The following AGAP1 variants were observed in gnomAD, a reference collection of about 807,000 sequenced individuals.
AGAP1 encodes the protein ArfGAP with GTPase domain, ankyrin repeat and PH domain 1.
In AGAP1, 29 loss-of-function variants were observed where a neutral mutation model predicts 105.3. The ratio of observed to expected loss-of-function variants is 0.28; its 90% CI spans 0.21 to 0.38. AGAP1 has a LOEUF of 0.38. Ranked by LOEUF, AGAP1 falls within the 10% of genes least tolerant of loss-of-function variation. The pLI is 1.00. For missense variants in AGAP1, 998 were observed against 1,165.1 expected, an observed-to-expected ratio of 0.86 and a Z score of 2.09; for synonymous variants, 509 against 485.9, an observed-to-expected ratio of 1.05 and a Z score of -0.63.
chr2:235,682,995 G>A (rs1374896152), intron 1 of AGAP1, among the ~76,000 whole-genome samples: 1 of 152,126 alleles, frequency 6.6e-6, no homozygotes, highest in East Asian at 1.9e-4. Flanking sequence ...AAAACGCAAA[G>A]TAAATTCTTC....
Position 235,660,819 on chromosome 2 carries a change from ATTG to A in AGAP1, c.164-48357_164-48355del. ...CACATCTTATTGTCGCAGCTACCGTATTGTTCTTGTCCCGTTTTTGCAGAAATG... is the reference window on the plus strand; with the variant it reads ...CACATCTTATTGTCGCAGCTACCGTATTCTTGTCCCGTTTTTGCAGAAATG... On this transcript the variant is annotated intron_variant, in intron 1 of 17. Coordinates refer to ENST00000304032, the MANE Select transcript of AGAP1 (RefSeq NM_001037131.3). This position sits in a 1 kb window ranked among gnomAD's most constrained non-coding sequence, Gnocchi z 5.3. Among the ~76,000 whole-genome samples the A allele has an allele frequency of 6.6e-6, 1 of 152,158 alleles. No individual in the cohort carries two copies. Among genetic ancestry groups the A allele is most frequent in the East Asian group, 1.9e-4 (1 of 5,182 alleles).
chr2:235,750,289 G>A lies in AGAP1; in HGVS notation c.539-65G>A, dbSNP rs569411849. The A allele has an allele frequency of 3.3e-5, 53 of 1,598,692 alleles. No homozygotes were observed. The African/African-American group carries it at 6.3e-4, about 19-fold the overall frequency. ...AGGTACTGGTTTTCCGTGTTGTGGG[G>A]AGTGTAGGAAGTATTTAGAGCTGTC... On this transcript the variant is annotated intron_variant, in intron 5 of 17. Coordinates refer to ENST00000304032, the MANE Select transcript of AGAP1 (RefSeq NM_001037131.3). This position sits in a 1 kb window ranked among gnomAD's most constrained non-coding sequence, Gnocchi z 5.3.
chr2:235,950,883 A>G (rs1275230906), intron 12 of AGAP1, among the ~76,000 whole-genome samples: 1 of 140,498 alleles, frequency 7.1e-6, no homozygotes, highest in East Asian at 2.2e-4. Context: ...GGGATCTCCA[A>G]GCACTTTTTT....
intron 13 of AGAP1, among the ~76,000 whole-genome samples, chr2:235,969,032 T>A (rs1006851163): frequency 6.6e-6 from 1 of 152,200 alleles, no homozygotes; most frequent in Non-Finnish European, 1.5e-5. Context: ...TATTGGTTAC[T>A]CTTAACTAAC....
At chr2:235,536,210 T>TACACACAC (rs747558130) in intron 1 of AGAP1, among the ~76,000 whole-genome samples, 117 of 6,544 alleles carry the variant, frequency 0.018, 2 homozygotes, top group African/African-American at 0.025. Flanking sequence ...TGTGGCATCC[T>TACACACAC]ACACACACAC....
intron 1 of AGAP1, among the ~76,000 whole-genome samples, chr2:235,682,582 T>G (rs1329802275): frequency 6.6e-6 from 1 of 152,034 alleles, no homozygotes; most frequent in Non-Finnish European, 1.5e-5. Flanking sequence ...TGACCTCAAA[T>G]GATCCTCGCA....
At chr2:236,017,285 T>A (rs1337146920) in intron 13 of AGAP1, among the ~76,000 whole-genome samples, 2 of 136,046 alleles carry the variant, frequency 1.5e-5, no homozygotes, top group African/African-American at 5.9e-5. Context: ...AGAGCGAGAC[T>A]CCATCTCAAA....
chr2:235,907,226 A>G (rs1414987408), intron 10 of AGAP1, among the ~76,000 whole-genome samples: 1 of 152,194 alleles, frequency 6.6e-6, no homozygotes, highest in Non-Finnish European at 1.5e-5. Flanking sequence ...GGTAACTGCC[A>G]TTGGGCAGTT....
In AGAP1 at chr2:236,000,878, G is replaced by A. The variant is rs1354694755; in HGVS notation, c.1645+32255G>A. ...GAGAGTGGCTGATGAGAAAGGGCCT[G>A]TGTGGAAGGAACCAGGGCCAAGCGA... On this transcript the variant is annotated intron_variant, in intron 13 of 17. Coordinates refer to ENST00000304032, the MANE Select transcript of AGAP1 (RefSeq NM_001037131.3). The surrounding 1 kb of genome is among the most constrained non-coding windows in gnomAD (Gnocchi z 4.3). 3.3e-5 allele frequency among the ~76,000 whole-genome samples: 5 copies of A among 152,198 alleles called. No homozygotes were observed. The highest frequency in any genetic ancestry group is 1.2e-4 in the African/African-American group (5 of 41,452).
In AGAP1 at chr2:236,104,808, G is replaced by A. The variant is rs1198402932; in HGVS notation, c.2115-15384G>A. 6.6e-6 allele frequency among the ~76,000 whole-genome samples: 1 copy of A among 152,104 alleles called. No individual in the cohort carries two copies. Among genetic ancestry groups the A allele is most frequent in the Non-Finnish European group, 1.5e-5 (1 of 68,026 alleles). ...GGAGGCTGAGGCAGGCAGGAGAATC[G>A]CTTGAACCGGGACCCGGGAGGCGGA... On this transcript the variant is annotated intron_variant, in intron 16 of 17. Transcript: ENST00000304032. This position sits in a 1 kb window ranked among gnomAD's most constrained non-coding sequence, Gnocchi z 4.7.
Position 235,504,268 on chromosome 2 carries a change from C to T in AGAP1, c.163+9419C>T, listed in dbSNP as rs545167992. Among the ~76,000 whole-genome samples, 38 of 152,308 alleles carry T rather than the reference C, an allele frequency of 2.5e-4. 1 individual carries two copies. The highest frequency in any genetic ancestry group is 8.7e-4 in the African/African-American group (36 of 41,554). On this transcript the variant is annotated intron_variant, in intron 1 of 17. Transcript: ENST00000304032. ...CAGTGGCCAGCACAGACTCATCTGT[C>T]GTGAGGGTCGTTAGAAATTGTAGCC...
intron 16 of AGAP1, among the ~76,000 whole-genome samples, chr2:236,052,962 G>A (rs1002915258): frequency 7.2e-5 from 11 of 152,220 alleles, no homozygotes; most frequent in African/African-American, 2.7e-4. Context: ...TAGTAACAGT[G>A]GACAGAACTA....
rs564567080 is a variant in AGAP1, at chr2:235,852,974, A to T, written c.1051-30371A>T. 5.6e-6 allele frequency: 7 copies of T among 1,255,000 alleles called. No individual in the cohort carries two copies. In the South Asian group the frequency reaches 2.7e-4, roughly 48 times the overall value. 77.7% of individuals were successfully genotyped at this position (1,255,000 alleles called of 1,614,324 possible). A position where few individuals can be genotyped will look rare whatever the true frequency, so the allele number is the denominator to read the frequency against. On this transcript the variant is annotated intron_variant, in intron 9 of 17. Coordinates refer to ENST00000304032, the MANE Select transcript of AGAP1 (RefSeq NM_001037131.3). ...TGACACCTTCCAACAAAGAGGTTAC[A>T]GGAGGGAGAGCTGGAGAAATGGAGC...
chr2:235,943,273 A>T (rs2053342313), intron 12 of AGAP1, among the ~76,000 whole-genome samples: 1 of 152,110 alleles, frequency 6.6e-6, no homozygotes, highest in Non-Finnish European at 1.5e-5. Context: ...TGTTAGAATA[A>T]CATTGGTCAA....
chr2:235,648,127 G>C (rs549742697), intron 1 of AGAP1, among the ~76,000 whole-genome samples: 35 of 152,338 alleles, frequency 2.3e-4, no homozygotes, highest in African/African-American at 7.9e-4. Flanking sequence ...GGGAGAGACT[G>C]ACTGGGGGGT....
rs1192757052 is a variant in AGAP1 at position 235,655,073 on chromosome 2, T to C, written c.164-54106T>C. ...ATTACTATATCCAGAATGATCCTCT[T>C]TTTTTTTTTTTTGAGTTGTGTGTTA... On this transcript the variant is annotated intron_variant, in intron 1 of 17. Coordinates refer to ENST00000304032, the MANE Select transcript of AGAP1 (RefSeq NM_001037131.3). This position sits in a 1 kb window ranked among gnomAD's most constrained non-coding sequence, Gnocchi z 4.3. 9.2e-6 allele frequency among the ~76,000 whole-genome samples: 1 copy of C among 108,154 alleles called. No individual in the cohort carries two copies. Among genetic ancestry groups the C allele is most frequent in the Non-Finnish European group, 2.1e-5 (1 of 47,004 alleles). 71.0% of individuals were successfully genotyped at this position (108,154 alleles called of 152,430 possible). A position where few individuals can be genotyped will look rare whatever the true frequency, so the allele number is the denominator to read the frequency against.
chr2:236,081,135 G>A (rs905452372), intron 16 of AGAP1, among the ~76,000 whole-genome samples: 1 of 152,146 alleles, frequency 6.6e-6, no homozygotes, highest in Non-Finnish European at 1.5e-5. Context: ...CAGACAGGTG[G>A]TGCCTGTGGG....
intron 1 of AGAP1, 97 bp from the exon 2 acceptor site, chr2:235,709,082 C>A: frequency 8.2e-7 from 1 of 1,224,526 alleles, no homozygotes; most frequent in Non-Finnish European, 1.2e-6. Flanking sequence ...GCACCATCTT[C>A]AGTGACCTTC....
At chr2:235,687,253 G>T (rs923703496) in intron 1 of AGAP1, among the ~76,000 whole-genome samples, 2 of 152,172 alleles carry the variant, frequency 1.3e-5, no homozygotes, top group Admixed American at 6.5e-5. Context: ...CACACCACAG[G>T]AGATGTTTGT....
Sources: gnomAD v4.1 joint callset for allele counts (sites outside exome capture counted in the v4.1 genomes callset) on GRCh38, gnomAD v4.1.1 for gene constraint, Gnocchi (gnomAD v3.1) non-coding constraint, MANE v1.5 for transcripts, NCBI Gene and HGNC (gene_info 2026-07-23, HGNC 2026-07-21) for gene names.